RRP1B: variants seen among roughly 807,000 people sequenced by gnomAD.
RRP1B encodes ribosomal RNA processing protein 1 homolog B.
Under a neutral mutation model 80.2 loss-of-function variants are expected in RRP1B, and 56 were observed. The ratio of observed to expected loss-of-function variants is 0.70; its 90% CI spans 0.56 to 0.87. The LOEUF (loss-of-function observed/expected upper bound fraction) is 0.87, where lower values mean the gene tolerates loss of function less well. RRP1B is among the 40% of genes least tolerant of loss of function. The pLI, the probability that RRP1B is intolerant of heterozygous loss-of-function variation, is 0.00. For synonymous variants in RRP1B, 351 were observed against 357.6 expected (o/e 0.98, Z 0.21); for missense variants, 807 against 939.8 (o/e 0.86, Z 1.85).
Position 43,687,792 on chromosome 21 carries a change from A to G in RRP1B, c.1418A>G (p.Lys473Arg). 7 of 1,613,282 alleles carry G rather than the reference A, an allele frequency of 4.3e-6. No homozygotes were observed. Among genetic ancestry groups the G allele is most frequent in the Non-Finnish European group, 5.9e-6 (7 of 1,180,032 alleles). The change falls in exon 13 of 16, where the codon AAA becomes AGA. Residue 473 changes from lysine (K) to arginine (R), a missense_variant. Transcript: ENST00000340648. The stretch of plus-strand genomic sequence containing the variant: ...GCCGTCCCCATGCACAATAAAAGGA[A>G]ACGGCCACGGAAGAAGAGCCCGAGG... The part of the protein sequence containing the change: ...PPAVPMHNKR[K>R]RPRKKSPRAH...
rs970717055 is a variant in RRP1B, at chr21:43,695,710, C to T, written c.*2327C>T. ...AAATTGCCAAGTGGACTTGGAAGTCCAGAAAGGAAAATAATTTAAATTAAT... is the reference window on the plus strand; with the variant it reads ...AAATTGCCAAGTGGACTTGGAAGTCTAGAAAGGAAAATAATTTAAATTAAT... On this transcript the variant is annotated 3_prime_UTR_variant, in exon 16 of 16. Transcript: ENST00000340648. The T allele has an allele frequency of 2.0e-5, 3 of 152,118 alleles. No homozygotes were observed. The highest frequency in any genetic ancestry group is 7.2e-5 in the African/African-American group (3 of 41,414). The allele number at this position is 152,118 out of a possible 1,614,324, so 9.4% of individuals were successfully genotyped here. A position where few individuals can be genotyped will look rare whatever the true frequency, so the allele number is the denominator to read the frequency against.
intron 15 of RRP1B, among the ~76,000 whole-genome samples, chr21:43,692,825 C>T (rs2083092342): frequency 6.6e-6 from 1 of 152,092 alleles, no homozygotes. Flanking sequence ...ATGAACAGTA[C>T]GAATCCTGCA....
intron 8 of RRP1B, among the ~76,000 whole-genome samples, chr21:43,678,743 C>A (rs1423973297): frequency 1.3e-5 from 2 of 152,102 alleles, no homozygotes; most frequent in Non-Finnish European, 2.9e-5. Flanking sequence ...CTGATTATTT[C>A]TTTTGCTGTG....
chr21:43,660,535 C>T (rs933095697), intron 1 of RRP1B, among the ~76,000 whole-genome samples: 1 of 152,096 alleles, frequency 6.6e-6, no homozygotes, highest in Non-Finnish European at 1.5e-5. Flanking sequence ...GCACTCCGGC[C>T]TGGGCAACAA....
rs764690613 is a variant in RRP1B at position 43,688,224 on chromosome 21, G to T, written c.1850G>T (p.Gly617Val). 9 of 1,556,090 alleles carry T rather than the reference G, an allele frequency of 5.8e-6. No individual in the cohort carries two copies. In the South Asian group the frequency reaches 9.6e-5, roughly 17 times the overall value. ...EHNGVLESEAGQPQALGSSGT... is the reference protein window; with the variant it reads ...EHNGVLESEAVQPQALGSSGT... ...AACGGGGTGCTGGAGTCCGAAGCTG[G>T]GCAACCCCAGGCTCTGGTAAGGTGG... Residue 617 changes from glycine to valine, a missense_variant, in exon 13 of 16, where the codon GGG becomes GTG. Gly to Val is a moderately radical substitution (Grantham distance 109, BLOSUM62 -3). Coordinates refer to ENST00000340648, the MANE Select transcript of RRP1B (RefSeq NM_015056.3).
intron 13 of RRP1B, among the ~76,000 whole-genome samples, chr21:43,689,408 T>C (rs566733520): frequency 6.6e-6 from 1 of 152,040 alleles, no homozygotes; most frequent in East Asian, 1.9e-4. Flanking sequence ...GGCTAGTGAG[T>C]GAGTTTATGG....
rs986734813 is a variant in RRP1B at position 43,694,317 on chromosome 21, C to T, written c.*934C>T. The T allele has an allele frequency of 6.6e-6, 1 of 152,308 alleles. No homozygotes were observed. Among genetic ancestry groups the T allele is most frequent in the African/African-American group, 2.4e-5 (1 of 41,476 alleles). The allele number at this position is 152,308 out of a possible 1,614,324, so 9.4% of individuals were successfully genotyped here. On this transcript the variant is annotated 3_prime_UTR_variant, in exon 16 of 16. Coordinates refer to ENST00000340648, the MANE Select transcript of RRP1B (RefSeq NM_015056.3). ...GCGCTCCGGCTCAGCGACCTTTCCT[C>T]TCAAATGCGGAAGCGTGCACTTACA...
intron 11 of RRP1B, 36 bp downstream of exon 11, chr21:43,685,825 T>C (rs749439548): frequency 1.9e-6 from 3 of 1,589,206 alleles, no homozygotes; most frequent in East Asian, 4.5e-5. Flanking sequence ...CATGGTGTTT[T>C]TCGTGAATAT....
rs201361497 is a variant in RRP1B, at chr21:43,690,278, G to A, written c.1867-10G>A. 115 of 1,613,868 alleles carry A rather than the reference G, an allele frequency of 7.1e-5. No individual in the cohort carries two copies. In the East Asian group the frequency reaches 1.2e-3, roughly 17 times the overall value. On this transcript the variant is annotated splice_polypyrimidine_tract_variant and intron_variant, in intron 13 of 15. Transcript: ENST00000340648. ...ACCCCTCCTCCGCTTCTCACCCCTC[G>A]CTCACGTAGGGAAGCAGTGGGACTT...
chr21:43,669,996 G>A (rs2838344), intron 2 of RRP1B, 30 bp downstream of exon 2: 924,473 of 1,535,752 alleles, frequency 0.6, 282,796 homozygotes, highest in East Asian at 0.81. Context: ...TCATGCTCCC[G>A]GGTTCTTGCT....
rs751114005 is a variant in RRP1B at position 43,675,151 on chromosome 21, C to T, written c.537C>T (p.Val179=). ...TTTACCTGGATGAACTCTCCAAAGT[C>T]GGGGGGAAGGAGGTAAGCAGCTGCC... ...IDIYLDELSK[V]GGKELLADQN... Residue 179 remains valine, a synonymous_variant, in exon 6 of 16, where the codon GTC becomes GTT. Coordinates refer to ENST00000340648, the MANE Select transcript of RRP1B (RefSeq NM_015056.3). 36 of 1,613,628 alleles carry T rather than the reference C, an allele frequency of 2.2e-5. No homozygotes were observed. Among genetic ancestry groups the T allele is most frequent in the Admixed American group, 5.0e-5 (3 of 59,976 alleles).
chr21:43,679,979 A>G (rs145145376), intron 8 of RRP1B, among the ~76,000 whole-genome samples: 1 of 152,252 alleles, frequency 6.6e-6, no homozygotes, highest in Non-Finnish European at 1.5e-5. Flanking sequence ...AGTTCTTGAT[A>G]TGATTCTCAG....
chr21:43,689,931 A>G (rs1297971839), intron 13 of RRP1B, among the ~76,000 whole-genome samples: 4 of 152,270 alleles, frequency 2.6e-5, no homozygotes, highest in African/African-American at 9.6e-5. Context: ...TGTCCTCCAC[A>G]CCAGACTGCC....
rs780889092 is a variant in RRP1B at position 43,693,150 on chromosome 21, G to A, written c.2084-40G>A. 120 of 1,607,054 alleles carry A rather than the reference G, an allele frequency of 7.5e-5. No individual in the cohort carries two copies. The highest frequency in any genetic ancestry group is 2.9e-4 in the Admixed American group (17 of 59,224). On this transcript the variant is annotated intron_variant, in intron 15 of 15. Coordinates refer to ENST00000340648, the MANE Select transcript of RRP1B (RefSeq NM_015056.3). This position sits in a 1 kb window ranked among gnomAD's most constrained non-coding sequence, Gnocchi z 4.1. ...CTAAGGTGTTGAAGGGACAGCTGTC[G>A]GACCCACTTAATATGGGGCCTTGCT...
intron 8 of RRP1B, among the ~76,000 whole-genome samples, chr21:43,677,136 A>C (rs1398454148): frequency 6.6e-6 from 1 of 152,106 alleles, no homozygotes; most frequent in South Asian, 2.1e-4. Flanking sequence ...TGGCATACAC[A>C]CATTTCTGTA....
intron 8 of RRP1B, among the ~76,000 whole-genome samples, chr21:43,679,235 TTTTTTTGG>T (rs2083034134): frequency 6.6e-6 from 1 of 151,878 alleles, no homozygotes; most frequent in Non-Finnish European, 1.5e-5. Flanking sequence ...TGTGTCTTTT[TTTTTTTGG>T]TGTTTTGGTG....
intron 8 of RRP1B, among the ~76,000 whole-genome samples, chr21:43,680,870 G>A (rs1213204497): frequency 4.6e-5 from 7 of 152,134 alleles, no homozygotes; most frequent in South Asian, 2.1e-4. Context: ...GTTAGCTGTA[G>A]GTGGCAGAAT....
Position 43,690,448 on chromosome 21 carries a change from C to T in RRP1B, c.2019+8C>T. 2 of 1,613,472 alleles carry T rather than the reference C, an allele frequency of 1.2e-6. No homozygotes were observed. The highest frequency in any genetic ancestry group is 1.7e-6 in the Non-Finnish European group (2 of 1,179,734). ...CCAGGCCCTGCCGTCCAGGTACGCA[C>T]CCTCCCCAGAGTGGCACAGCACATT... On this transcript the variant is annotated splice_region_variant and intron_variant, in intron 14 of 15. Coordinates refer to ENST00000340648, the MANE Select transcript of RRP1B (RefSeq NM_015056.3).
intron 2 of RRP1B, among the ~76,000 whole-genome samples, chr21:43,670,947 T>G (rs2082997067): frequency 1.3e-5 from 2 of 152,190 alleles, no homozygotes. Flanking sequence ...ACTGAACATA[T>G]TTTGAGTAGG....
Sources: allele counts gnomAD v4.1 joint callset (sites outside exome capture counted in the v4.1 genomes callset), GRCh38; gene constraint gnomAD v4.1.1; non-coding constraint Gnocchi (gnomAD v3.1); transcripts MANE v1.5; gene names NCBI Gene and HGNC (gene_info 2026-07-23, HGNC 2026-07-21).